Variants in TMEM131 observed in about 807,000 individuals in gnomAD.
The protein encoded by TMEM131 is transmembrane protein 131.
Under a neutral mutation model 211.6 loss-of-function variants are expected in TMEM131, and 66 were observed. That is an observed-to-expected ratio of 0.31 (90% CI 0.26 to 0.38). The LOEUF is 0.38. Ranked by LOEUF, TMEM131 falls within the 10% of genes least tolerant of loss-of-function variation. The pLI, the probability that TMEM131 is intolerant of heterozygous loss-of-function variation, is 1.00. For synonymous variants in TMEM131, 844 were observed against 841.3 expected (o/e 1.00, Z -0.06); for missense variants, 2,036 against 2,299.3 (o/e 0.89, Z 2.34).
chr2:97,815,184 T>A lies in TMEM131; in HGVS notation c.1292+15A>T. The A allele has an allele frequency of 7.1e-7, 1 of 1,404,742 alleles. No homozygotes were observed. The highest frequency in any genetic ancestry group is 9.6e-7 in the Non-Finnish European group (1 of 1,042,694). The allele number at this position is 1,404,742 out of a possible 1,614,324, so 87.0% of individuals were successfully genotyped here. A position where few individuals can be genotyped will look rare whatever the true frequency, so the allele number is the denominator to read the frequency against. ...TAGTAAAAAGTAATAGAATTTATTT[T>A]AAAAAGAAACTCACCCATCTAAAAC... On this transcript the variant is annotated intron_variant, in intron 13 of 40. Transcript: ENST00000186436.
intron 3 of TMEM131, among the ~76,000 whole-genome samples, chr2:97,898,372 C>T (rs1373683879): frequency 6.6e-6 from 1 of 152,084 alleles, no homozygotes; most frequent in Non-Finnish European, 1.5e-5. Flanking sequence ...CCGCTACCTC[C>T]AAAATTCACA....
intron 11 of TMEM131, among the ~76,000 whole-genome samples, chr2:97,830,778 C>A (rs185104690): frequency 6.6e-6 from 1 of 152,186 alleles, no homozygotes; most frequent in Non-Finnish European, 1.5e-5. Flanking sequence ...TTTGGACCTG[C>A]GCATCCTGTC....
At chr2:97,953,777 A>C (rs553323913) in intron 1 of TMEM131, among the ~76,000 whole-genome samples, 1 of 152,270 alleles carries the variant, frequency 6.6e-6, no homozygotes, top group African/African-American at 2.4e-5. Context: ...AACCCCAACT[A>C]TTTTAAAATA....
At chr2:97,948,593 T>C (rs1678153016) in intron 1 of TMEM131, among the ~76,000 whole-genome samples, 1 of 152,172 alleles carries the variant, frequency 6.6e-6, no homozygotes, top group South Asian at 2.1e-4. Flanking sequence ...GGAACTGTAA[T>C]ACCCTGCTAA....
At chr2:97,803,296 C>G (rs924011697) in intron 22 of TMEM131, among the ~76,000 whole-genome samples, 9 of 152,134 alleles carry the variant, frequency 5.9e-5, no homozygotes, top group African/African-American at 2.2e-4. Flanking sequence ...TGGCATATGG[C>G]TTTTTTCCCC....
intron 31 of TMEM131, among the ~76,000 whole-genome samples, chr2:97,779,679 ATTT>A (rs1489448890): frequency 2.0e-5 from 3 of 152,190 alleles, no homozygotes; most frequent in Non-Finnish European, 4.4e-5. Context: ...ACAGCAATCT[ATTT>A]AACAAGACCT....
At chr2:97,926,008 AG>A (rs1676974995) in intron 2 of TMEM131, among the ~76,000 whole-genome samples, 1 of 151,774 alleles carries the variant, frequency 6.6e-6, no homozygotes, top group East Asian at 1.9e-4. Context: ...GCTACTTGGG[AG>A]GCCTAGGCAG....
chr2:97,785,882 G>T (rs974051262), intron 31 of TMEM131, among the ~76,000 whole-genome samples: 3 of 152,098 alleles, frequency 2.0e-5, no homozygotes, highest in Non-Finnish European at 2.9e-5. Context: ...AACTGACTCA[G>T]AAAAACCAAA....
At position 97,943,099 on chromosome 2, in the gene TMEM131, A is replaced by G. The variant is rs188896033; in HGVS notation, c.188-15612T>C. 3.4e-4 allele frequency among the ~76,000 whole-genome samples: 51 copies of G among 148,732 alleles called. No individual in the cohort carries two copies. In the East Asian group the frequency reaches 5.1e-3, roughly 15 times the overall value. ...AAAGAAAGAAAGAAAGAAAGAAAGA[A>G]AGAGCTGGGTGTGGTGGTGCATGCC... On this transcript the variant is annotated intron_variant, in intron 1 of 40. Coordinates refer to ENST00000186436, the MANE Select transcript of TMEM131 (RefSeq NM_015348.2).
chr2:97,801,252 GC>G (rs374014336), intron 25 of TMEM131, among the ~76,000 whole-genome samples: 2 of 152,228 alleles, frequency 1.3e-5, no homozygotes, highest in African/African-American at 4.8e-5. Context: ...TGGCCAAAAG[GC>G]TTGGACCAGT....
chr2:97,838,426 C>CTTTTTTTTTTTTTTTTTTTTTTTTTTTTT (rs753635047), intron 7 of TMEM131, among the ~76,000 whole-genome samples: 1 of 89,082 alleles, frequency 1.1e-5, no homozygotes, highest in African/African-American at 4.3e-5. Flanking sequence ...TAAGCTTAAA[C>CTTTTTTTTTTTTTTTTTTTTTTTTTTTTT]TTTTTTTTTT....
At chr2:97,780,426 T>G (rs954539459) in intron 31 of TMEM131, among the ~76,000 whole-genome samples, 77 of 152,116 alleles carry the variant, frequency 5.1e-4, no homozygotes, top group African/African-American at 1.8e-3. Context: ...CTGATGAGCA[T>G]CTCTTCCTGC....
chr2:97,904,675 T>C (rs1044055812), intron 3 of TMEM131, among the ~76,000 whole-genome samples: 1 of 152,206 alleles, frequency 6.6e-6, no homozygotes, highest in African/African-American at 2.4e-5. Context: ...ATATTGCCAT[T>C]TGTTTTCTAT....
chr2:97,767,301 T>TACCTC (rs1181142485), intron 33 of TMEM131, among the ~76,000 whole-genome samples: 1 of 151,956 alleles, frequency 6.6e-6, no homozygotes, highest in Non-Finnish European at 1.5e-5. Flanking sequence ...TTTCCAAAGC[T>TACCTC]CAATAAGTGA....
In TMEM131 at chr2:97,932,729, G is replaced by GA. The variant is rs1356938023; in HGVS notation, c.188-5243dup. ...ACTACTCTTAGCAGCTTCAGTATCA[G>GA]AAAATCACTAAAACTCTGAAGCTCG... On this transcript the variant is annotated intron_variant, in intron 1 of 40. Transcript: ENST00000186436. Among the ~76,000 whole-genome samples, 6 of 152,276 alleles carry GA rather than the reference G, an allele frequency of 3.9e-5. No homozygotes were observed. The East Asian group carries it at 1.2e-3, about 29-fold the overall frequency.
intron 15 of TMEM131, 63 bp downstream of exon 15, chr2:97,813,908 A>G: frequency 7.7e-7 from 1 of 1,297,474 alleles, no homozygotes; most frequent in Non-Finnish European, 1.0e-6. Flanking sequence ...ACTGCCTAAT[A>G]AGATCTGAAA....
intron 36 of TMEM131, 57 bp from the exon 37 acceptor site, chr2:97,760,971 G>A (rs780055916): frequency 6.9e-6 from 11 of 1,601,806 alleles, no homozygotes. Context: ...CTGTCTCGGG[G>A]AGGTGTGGGG....
chr2:97,896,166 T>C (rs559194623), intron 3 of TMEM131, among the ~76,000 whole-genome samples: 6 of 152,332 alleles, frequency 3.9e-5, no homozygotes, highest in Non-Finnish European at 5.9e-5. Context: ...TCCCTGTAGT[T>C]GTGCAGTTTT....
rs560223615 is a variant in TMEM131 at position 97,891,665 on chromosome 2, A to G, written c.291-3545T>C. On this transcript the variant is annotated intron_variant, in intron 3 of 40. Coordinates refer to ENST00000186436, the MANE Select transcript of TMEM131 (RefSeq NM_015348.2). ...AGCAGGAAACTCCCAAATCAAACAT[A>G]TGGGCTTCTTGGGTCTCTGGGAGTT... Among the ~76,000 whole-genome samples the G allele has an allele frequency of 2.0e-5, 3 of 152,272 alleles. No homozygotes were observed. In the South Asian group the frequency reaches 6.2e-4, roughly 32 times the overall value.
Sources: gnomAD v4.1 joint callset for allele counts (sites outside exome capture counted in the v4.1 genomes callset) on GRCh38, gnomAD v4.1.1 for gene constraint, MANE v1.5 for transcripts, NCBI Gene and HGNC (gene_info 2026-07-23, HGNC 2026-07-21) for gene names.